PYHIN1: variants seen among roughly 807,000 people sequenced by gnomAD.
PYHIN1 encodes pyrin and HIN domain family member 1.
A neutral mutation model predicts 43.7 loss-of-function variants in PYHIN1; 32 were observed. The ratio of observed to expected loss-of-function variants is 0.73; its 90% CI spans 0.55 to 0.98. The LOEUF (loss-of-function observed/expected upper bound fraction) is 0.98, where lower values mean the gene tolerates loss of function less well. PYHIN1 is among the 50% of genes least tolerant of loss of function. The pLI is 0.00. For missense variants in PYHIN1, 588 were observed against 589.5 expected (o/e 1.00, Z 0.03); for synonymous variants, 205 against 203.1 (o/e 1.01, Z -0.08).
intron 1 of PYHIN1, among the ~76,000 whole-genome samples, chr1:158,932,763 G>A (rs937322124): frequency 5.9e-5 from 9 of 152,256 alleles, no homozygotes; most frequent in African/African-American, 2.2e-4. Context: ...TACCAGATGT[G>A]AAAGGCAGTT....
At chr1:158,953,926 A>G (rs1649754638) in intron 7 of PYHIN1, among the ~76,000 whole-genome samples, 2 of 137,416 alleles carry the variant, frequency 1.5e-5, no homozygotes, top group Admixed American at 7.4e-5. Context: ...GGAGCTGAAA[A>G]CCAAGGCTCG....
At chr1:158,974,837 G>A (rs1464221442) in intron 8 of PYHIN1, among the ~76,000 whole-genome samples, 8 of 151,992 alleles carry the variant, frequency 5.3e-5, no homozygotes, top group African/African-American at 4.8e-5. Context: ...TGGATGGAAC[G>A]CATATGTAGT....
Position 158,943,904 on chromosome 1 carries a change from C to T in PYHIN1, c.1117C>T (p.Arg373Ter), listed in dbSNP as rs143484340. 641 of 1,608,470 alleles carry T rather than the reference C, an allele frequency of 4.0e-4. 1 individual carries two copies. The highest frequency in any genetic ancestry group is 1.1e-3 in the African/African-American group (79 of 74,932). The change falls in exon 6 of 9, where the codon CGA becomes TGA. Residue 373 changes from arginine to a stop codon, truncating the protein, a stop_gained. Coordinates refer to ENST00000368140, the MANE Select transcript of PYHIN1 (RefSeq NM_152501.5). LOFTEE classifies it high-confidence loss of function. ...NIPCEKGDKLRLFCFRLRKRE... is the reference protein window; with the variant it reads ...NIPCEKGDKL ...CCCCTGTGAAAAAGGAGATAAGCTT[C>T]GACTCTTCTGCTTTCGACTGAGAAA... is the stretch of plus-strand genomic sequence containing the variant.
chr1:158,937,373 G>C (rs569338350), intron 2 of PYHIN1, among the ~76,000 whole-genome samples, 198 bp downstream of exon 2: 1 of 152,268 alleles, frequency 6.6e-6, no homozygotes, highest in African/African-American at 2.4e-5. Flanking sequence ...GACGTATATC[G>C]GAGTTGAGGT....
At chr1:158,987,816 G>A in the PYHIN1 span, among the ~76,000 whole-genome samples, 1 of 152,122 alleles carries the variant, frequency 6.6e-6, no homozygotes, top group East Asian at 1.9e-4. Flanking sequence ...TAGAGAGAAA[G>A]CTGCAATACC....
chr1:158,970,454 T>C (rs1044104364), intron 7 of PYHIN1, among the ~76,000 whole-genome samples: 1 of 151,980 alleles, frequency 6.6e-6, no homozygotes. Context: ...TCCACCTTTC[T>C]GAGTCTCCAA....
chr1:158,976,839 A>AATATCTGTAT lies in PYHIN1; in HGVS notation c.*148_*149insCTGTATATAT. On this transcript the variant is annotated 3_prime_UTR_variant, in exon 9 of 9. Transcript: ENST00000368140. ...AAGATAAGATCAAAGCACAGAAAAT[A>AATATCTGTAT]ATATATGTATATATATCTGGTTGAA... 9.3e-6 allele frequency: 3 copies of AATATCTGTAT among 321,644 alleles called. 1 individual carries two copies. The highest frequency in any genetic ancestry group is 1.7e-5 in the Non-Finnish European group (3 of 172,368). The allele number at this position is 321,644 out of a possible 1,614,324, so 19.9% of individuals were successfully genotyped here.
chr1:158,985,083 T>C, the PYHIN1 span, among the ~76,000 whole-genome samples: 1 of 152,182 alleles, frequency 6.6e-6, no homozygotes, highest in Non-Finnish European at 1.5e-5. Flanking sequence ...AGACAGCATG[T>C]AATTGAGTCT....
At chr1:158,988,225 T>C in the PYHIN1 span, among the ~76,000 whole-genome samples, 2 of 152,152 alleles carry the variant, frequency 1.3e-5, no homozygotes, top group Non-Finnish European at 2.9e-5. Flanking sequence ...AAAAGTGACA[T>C]GGGGTATTAT....
intron 7 of PYHIN1, among the ~76,000 whole-genome samples, chr1:158,973,259 G>T (rs569235613): frequency 2.2e-4 from 33 of 151,964 alleles, no homozygotes; most frequent in African/African-American, 8.0e-4. Flanking sequence ...TTTTGTTATT[G>T]TTACCCAAAG....
intron 7 of PYHIN1, chr1:158,945,246 C>T (rs111690358): frequency 3.5e-4 from 158 of 455,634 alleles, no homozygotes; most frequent in African/African-American, 2.5e-3. Flanking sequence ...ATTTGTGCAA[C>T]GATTGCTGAC....
chr1:158,978,293 A>G (rs1651366798), downstream of PYHIN1, among the ~76,000 whole-genome samples: 1 of 77,048 alleles, frequency 1.3e-5, no homozygotes, highest in Non-Finnish European at 3.1e-5. Flanking sequence ...ATATATATAT[A>G]TATATATGAT....
chr1:158,981,205 C>A (rs1303998611), downstream of PYHIN1, among the ~76,000 whole-genome samples: 1 of 152,116 alleles, frequency 6.6e-6, no homozygotes, highest in Non-Finnish European at 1.5e-5. Flanking sequence ...ATGAAAAGTG[C>A]AATAAGCATA....
At chr1:158,965,807 C>G (rs892428329) in intron 7 of PYHIN1, among the ~76,000 whole-genome samples, 1 of 151,892 alleles carries the variant, frequency 6.6e-6, no homozygotes, top group Non-Finnish European at 1.5e-5. Flanking sequence ...AAATTAACAA[C>G]CCAACATCAC....
At chr1:158,977,098 T>C (rs1651322681), downstream of PYHIN1, 1 of 153,142 alleles carries the variant, frequency 6.5e-6, no homozygotes, top group Admixed American at 6.6e-5. Flanking sequence ...GTGAGTTATG[T>C]AAAAGCAAAT....
intron 7 of PYHIN1, among the ~76,000 whole-genome samples, chr1:158,952,911 C>G (rs1649649432): frequency 6.6e-6 from 1 of 152,168 alleles, no homozygotes; most frequent in Admixed American, 6.5e-5. Context: ...CATGCGCGAG[C>G]CGAAGTAGGG....
rs966719919 is a variant in PYHIN1 at position 158,963,368 on chromosome 1, T to C, written c.1360-10279T>C. On this transcript the variant is annotated intron_variant, in intron 7 of 8. Transcript: ENST00000368140. ...AATTGCACTGGCTGATAGCAGCTCC[T>C]CGTTTCTCTGGGGTGGACCACCAAG... Among the ~76,000 whole-genome samples the C allele has an allele frequency of 4.6e-5, 7 of 152,244 alleles. No individual in the cohort carries two copies. The Middle Eastern group carries it at 0.01, about 222-fold the overall frequency.
At chr1:158,960,564 C>G (rs191177627) in intron 7 of PYHIN1, among the ~76,000 whole-genome samples, 36 of 152,358 alleles carry the variant, frequency 2.4e-4, no homozygotes, top group Admixed American at 9.1e-4. Context: ...GAGTATCCAA[C>G]TACTTACTTA....
At chr1:158,985,062 G>A in the PYHIN1 span, among the ~76,000 whole-genome samples, 2 of 152,144 alleles carry the variant, frequency 1.3e-5, no homozygotes, top group African/African-American at 4.8e-5. Flanking sequence ...CATGTAAGGT[G>A]GGTCTCTTGA....
Sources: gnomAD v4.1 joint callset for allele counts (sites outside exome capture counted in the v4.1 genomes callset) on GRCh38, gnomAD v4.1.1 for gene constraint, MANE v1.5 for transcripts, NCBI Gene and HGNC (gene_info 2026-07-23, HGNC 2026-07-21) for gene names.